Variants in DAB1 observed in about 807,000 individuals in gnomAD.
DAB1 encodes the protein DAB adaptor protein 1.
Under a neutral mutation model 64.6 loss-of-function variants are expected in DAB1, and 15 were observed. The ratio of observed to expected loss-of-function variants is 0.23; its 90% CI spans 0.16 to 0.36. The LOEUF is 0.36. Among genes scored for constraint, DAB1 ranks in the 10% least tolerant of loss-of-function variants. The pLI is 1.00. For synonymous variants in DAB1, 235 were observed against 251.9 expected, an observed-to-expected ratio of 0.93 and a Z score of 0.64; for missense variants, 596 against 706.7, an observed-to-expected ratio of 0.84 and a Z score of 1.78.
chr1:57,247,549 T>C (rs613558), intron 2 of DAB1, among the ~76,000 whole-genome samples: 2,373 of 152,268 alleles, frequency 0.016, 68 homozygotes, highest in African/African-American at 0.055. Context: ...TAAGCTCCTA[T>C]ATTTTGTATT....
intron 7 of DAB1, among the ~76,000 whole-genome samples, chr1:57,524,289 C>G (rs1644565291): frequency 6.6e-6 from 1 of 152,132 alleles, no homozygotes; most frequent in Non-Finnish European, 1.5e-5. Context: ...GAATCCAATA[C>G]AGTGACTTAG....
chr1:58,121,563 C>A (rs747144546), intron 5 of DAB1, among the ~76,000 whole-genome samples: 15 of 151,996 alleles, frequency 9.9e-5, no homozygotes, highest in Non-Finnish European at 1.2e-4. Flanking sequence ...TAGAATACAC[C>A]CCTCACTCTT....
Position 57,907,719 on chromosome 1 carries a change from T to A in DAB1, n.388-23557A>T, listed in dbSNP as rs1295517074. Among the ~76,000 whole-genome samples, 2 of 151,944 alleles carry A rather than the reference T, an allele frequency of 1.3e-5. 1 individual carries two copies. Among genetic ancestry groups the A allele is most frequent in the East Asian group, 3.9e-4 (2 of 5,184 alleles). On this transcript the variant is annotated intron_variant and non_coding_transcript_variant, in intron 5 of 20. Coordinates refer to the DAB1 transcript ENST00000485760. ...TGTGTGAAGTCTGAGCCCTCTATCC[T>A]CCCCACCATCTTTTGGTATGTGGCT...
At chr1:58,253,311 C>A (rs1446831762) in intron 4 of DAB1, among the ~76,000 whole-genome samples, 1 of 152,142 alleles carries the variant, frequency 6.6e-6, no homozygotes, top group Non-Finnish European at 1.5e-5. Flanking sequence ...CCTGCCAACC[C>A]CACCACCACT....
At chr1:57,804,212 C>T (rs974469683) in intron 6 of DAB1, among the ~76,000 whole-genome samples, 5 of 152,126 alleles carry the variant, frequency 3.3e-5, no homozygotes, top group Admixed American at 1.3e-4. Context: ...GTGAGATTCA[C>T]GGTTGGGAGG....
chr1:57,320,901 C>A (rs552471570), intron 1 of DAB1, among the ~76,000 whole-genome samples: 16 of 152,152 alleles, frequency 1.1e-4, no homozygotes, highest in African/African-American at 2.6e-4. Flanking sequence ...ATGATGAAGC[C>A]GAAATTTAAA....
chr1:57,712,344 C>T (rs1647037792), intron 6 of DAB1, among the ~76,000 whole-genome samples: 1 of 152,160 alleles, frequency 6.6e-6, no homozygotes, highest in African/African-American at 2.4e-5. Flanking sequence ...ATGCTTTGGA[C>T]TTTACTGGTA....
Position 57,409,671 on chromosome 1 carries a change from T to C in DAB1, c.-137+14259A>G, listed in dbSNP as rs915919785. Among the ~76,000 whole-genome samples, 6 of 152,086 alleles carry C rather than the reference T, an allele frequency of 3.9e-5. 1 individual carries two copies. The highest frequency in any genetic ancestry group is 1.4e-4 in the African/African-American group (6 of 41,398). On this transcript the variant is annotated intron_variant, in intron 1 of 14. Transcript: ENST00000371236. ...TAAAAATACAAAAATTAGCTGGCCATGGTGGTGGGTGCCTGTAATCCCAGC... is the reference window on the plus strand; with the variant it reads ...TAAAAATACAAAAATTAGCTGGCCACGGTGGTGGGTGCCTGTAATCCCAGC...
At chr1:58,244,906 C>T (rs1173178336) in intron 4 of DAB1, among the ~76,000 whole-genome samples, 1 of 152,120 alleles carries the variant, frequency 6.6e-6, no homozygotes, top group Non-Finnish European at 1.5e-5. Context: ...CACTACCTAC[C>T]CAGAGGCAGA....
chr1:57,978,720 G>GA (rs1389723175), intron 5 of DAB1, among the ~76,000 whole-genome samples: 2 of 151,878 alleles, frequency 1.3e-5, no homozygotes, highest in African/African-American at 2.4e-5. Context: ...AAATTTACAA[G>GA]AAAAAAACAA....
intron 1 of DAB1, among the ~76,000 whole-genome samples, chr1:57,402,236 T>C (rs1011971126): frequency 7.2e-5 from 11 of 152,176 alleles, no homozygotes; most frequent in African/African-American, 2.2e-4. Context: ...TTGGCATAAA[T>C]GGTGCTACAA....
intron 4 of DAB1, among the ~76,000 whole-genome samples, chr1:58,219,025 C>CTCTCTCTCTCTG (rs376130413): frequency 0.045 from 5,824 of 129,268 alleles, 172 homozygotes; most frequent in Admixed American, 0.05. Context: ...CTCTCTCTCT[C>CTCTCTCTCTCTG]TGTGTGTGTG....
At chr1:57,608,391 A>C (rs1405490859) in intron 7 of DAB1, among the ~76,000 whole-genome samples, 1 of 151,366 alleles carries the variant, frequency 6.6e-6, no homozygotes, top group Non-Finnish European at 1.5e-5. Context: ...AAGATATTAA[A>C]AAAAGAGAGA....
chr1:57,962,908 C>G (rs144266071), intron 5 of DAB1, among the ~76,000 whole-genome samples: 2 of 151,894 alleles, frequency 1.3e-5, no homozygotes, highest in East Asian at 3.9e-4. Flanking sequence ...ATAAAAACCT[C>G]AAGAGCCACT....
chr1:57,905,876 T>A (rs1644543501), intron 5 of DAB1, among the ~76,000 whole-genome samples: 4 of 152,158 alleles, frequency 2.6e-5, no homozygotes, highest in Admixed American at 2.6e-4. Context: ...AGGAGTAGGA[T>A]GAATGCCCCT....
At chr1:58,486,747 A>G (rs1016253756) in intron 3 of DAB1, among the ~76,000 whole-genome samples, 43 of 152,314 alleles carry the variant, frequency 2.8e-4, no homozygotes, top group African/African-American at 9.6e-4. Flanking sequence ...GATCAAAGAA[A>G]GCCTCCCCAG....
chr1:57,087,949 G>A (rs527893779), intron 4 of DAB1, among the ~76,000 whole-genome samples: 53 of 152,272 alleles, frequency 3.5e-4, no homozygotes, highest in African/African-American at 1.2e-3. Flanking sequence ...AGTAGGATGC[G>A]CTGTTGACAA....
At chr1:57,606,633 T>TAATATAATATATTA (rs1645652474) in intron 7 of DAB1, among the ~76,000 whole-genome samples, 1 of 96,316 alleles carries the variant, frequency 1.0e-5, no homozygotes, top group African/African-American at 4.0e-5. Context: ...ATGAAATATA[T>TAATATAATATATTA]TATATATGAA....
intron 3 of DAB1, among the ~76,000 whole-genome samples, chr1:58,425,314 AC>A (rs1319924733): frequency 6.6e-6 from 1 of 152,212 alleles, no homozygotes; most frequent in East Asian, 1.9e-4. Flanking sequence ...AACATGAAAG[AC>A]AAGCCATGTC....
Sources: gnomAD v4.1 joint callset for allele counts (sites outside exome capture counted in the v4.1 genomes callset) on GRCh38, gnomAD v4.1.1 for gene constraint, MANE v1.5 for transcripts, NCBI Gene and HGNC (gene_info 2026-07-23, HGNC 2026-07-21) for gene names.